The following ADCY5 variants were observed in gnomAD, a reference collection of about 807,000 sequenced individuals.
ADCY5 encodes the protein adenylate cyclase type 5.
Under a neutral mutation model 119.7 loss-of-function variants are expected in ADCY5, and 30 were observed. The observed-to-expected ratio is 0.25, with a 90% CI of 0.19 to 0.34. ADCY5 has a LOEUF of 0.34. Among genes scored for constraint, ADCY5 ranks in the 10% least tolerant of loss-of-function variants. ADCY5 has a pLI of 1.00. For missense variants in ADCY5, 1,324 were observed against 1,775.2 expected (o/e 0.75, Z 4.57); for synonymous variants, 753 against 762.2 (o/e 0.99, Z 0.20).
rs867524656 is a variant in ADCY5 at position 123,448,101 on chromosome 3, T to C, written c.445A>G (p.Thr149Ala). 1 of 1,155,218 alleles carries C rather than the reference T, an allele frequency of 8.7e-7. No individual in the cohort carries two copies. Among genetic ancestry groups the C allele is most frequent in the South Asian group, 3.7e-5 (1 of 27,160 alleles). 71.6% of individuals were successfully genotyped at this position (1,155,218 alleles called of 1,614,324 possible). A position where few individuals can be genotyped will look rare whatever the true frequency, so the allele number is the denominator to read the frequency against. The change falls in exon 1 of 21, where the codon ACG becomes GCG. Residue 149 changes from threonine to alanine, a missense_variant. By Grantham distance (58) the Thr-to-Ala change is moderately conservative. This residue lies in a region of ADCY5 where 585 missense variants were observed against 569.9 expected (regional missense o/e 1.03). Transcript: ENST00000462833. ...TCCACCGAGCGAGGGCGCACCTCCG[T>C]CCCGCCCGCCGAGGCAGCCGCCGCC... The part of the protein sequence containing the change: ...SAAAAASAGG[T>A]EVRPRSVEVG...
chr3:123,400,119 T>C (rs139983387), intron 1 of ADCY5, among the ~76,000 whole-genome samples: 40 of 152,322 alleles, frequency 2.6e-4, no homozygotes, highest in African/African-American at 8.9e-4. Context: ...AAAAGGGAAG[T>C]GTTACTAAGA....
intron 1 of ADCY5, among the ~76,000 whole-genome samples, chr3:123,359,331 AAT>A (rs57105101): frequency 0.043 from 4,728 of 109,616 alleles, 229 homozygotes; most frequent in African/African-American, 0.047. Flanking sequence ...CTTATACTAA[AAT>A]ATATATATAT....
chr3:123,343,774 G>C (rs75195356), intron 3 of ADCY5, among the ~76,000 whole-genome samples: 4,461 of 152,286 alleles, frequency 0.029, 232 homozygotes, highest in African/African-American at 0.1. Flanking sequence ...TATCTGGGGT[G>C]GGGGAGGACA....
chr3:123,325,678 C>T (rs552816928), intron 7 of ADCY5, among the ~76,000 whole-genome samples: 1 of 152,316 alleles, frequency 6.6e-6, no homozygotes, highest in South Asian at 2.1e-4. Context: ...CTGGCTGGCT[C>T]AGGTGGGAGT....
intron 9 of ADCY5, 79 bp downstream of exon 9, chr3:123,320,670 G>A (rs1423877944): frequency 2.6e-5 from 41 of 1,564,204 alleles, no homozygotes; most frequent in Non-Finnish European, 3.4e-5. Flanking sequence ...ATGGAGTGTG[G>A]AGAAACCAAG....
At chr3:123,417,018 C>T (rs1023718215) in intron 1 of ADCY5, among the ~76,000 whole-genome samples, 28 of 152,236 alleles carry the variant, frequency 1.8e-4, no homozygotes, top group African/African-American at 6.8e-4. Flanking sequence ...TTGATCCTGA[C>T]TTCCAGCCTC....
chr3:123,319,801 G>A lies in ADCY5; in HGVS notation c.2129C>T (p.Ala710Val), dbSNP rs140176741. The change falls in exon 10 of 21, where the codon GCG becomes GTG. Residue 710 changes from alanine to valine, a missense_variant. Ala to Val is a moderately conservative substitution (Grantham distance 64). This residue lies in a region of ADCY5 where 424 missense variants were observed against 546.8 expected (regional missense o/e 0.78). Transcript: ENST00000462833. Reference protein sequence around the residue: ...DPKDKNAQESANPEDEVDEFL... With the variant: ...DPKDKNAQESVNPEDEVDEFL... ...CTCATCCACTTCATCCTCAGGGTTC[G>A]CACTCTCCTGGGCGTTCCTGGGGAG... is the stretch of plus-strand genomic sequence containing the variant. The A allele has an allele frequency of 1.8e-5, 29 of 1,613,986 alleles. No homozygotes were observed. The African/African-American group carries it at 2.4e-4, about 13-fold the overall frequency.
intron 1 of ADCY5, chr3:123,418,801 C>G (rs1945238706): frequency 6.6e-6 from 1 of 152,208 alleles, no homozygotes; most frequent in South Asian, 2.1e-4. Context: ...TGGGCGTTAT[C>G]AAATCCACTG....
At chr3:123,353,719 G>A (rs1196502210) in intron 1 of ADCY5, among the ~76,000 whole-genome samples, 1 of 152,146 alleles carries the variant, frequency 6.6e-6, no homozygotes, top group Non-Finnish European at 1.5e-5. Flanking sequence ...GTGGGACGTC[G>A]GCTGCCTGGC....
intron 1 of ADCY5, among the ~76,000 whole-genome samples, chr3:123,361,419 C>T (rs758858238): frequency 3.9e-5 from 6 of 152,156 alleles, no homozygotes; most frequent in Non-Finnish European, 8.8e-5. Context: ...TCTTCACTAC[C>T]AACCCCAGGA....
chr3:123,319,838 G>A lies in ADCY5; in HGVS notation c.2112-20C>T. The A allele has an allele frequency of 6.2e-7, 1 of 1,609,500 alleles. No individual in the cohort carries two copies. The highest frequency in any genetic ancestry group is 8.5e-7 in the Non-Finnish European group (1 of 1,176,282). ...GCGTTCCTGGGGAGCAGAAGGCACG[G>A]GCGTGAGACAGGCTGACCACAGGGG... is the stretch of plus-strand genomic sequence containing the variant. On this transcript the variant is annotated intron_variant, in intron 9 of 20. Transcript: ENST00000462833.
rs1941730328 is a variant in ADCY5, at chr3:123,330,881, A to G, written c.1646+8T>C. 3 of 1,606,448 alleles carry G rather than the reference A, an allele frequency of 1.9e-6. No individual in the cohort carries two copies. The highest frequency in any genetic ancestry group is 8.5e-7 in the Non-Finnish European group (1 of 1,176,384). ...GAGGGAGACGGTACCCGGGGGGTGG[A>G]CACTTACGAGATGGCCTCGATCATG... On this transcript the variant is annotated splice_region_variant and intron_variant, in intron 5 of 20. Coordinates refer to ENST00000462833, the MANE Select transcript of ADCY5 (RefSeq NM_183357.3).
intron 14 of ADCY5, 86 bp from the exon 15 acceptor site, chr3:123,300,381 C>T (rs1022470041): frequency 2.1e-6 from 3 of 1,451,390 alleles, no homozygotes; most frequent in Non-Finnish European, 2.8e-6. Flanking sequence ...TCTGAGCTGG[C>T]TCAAGTGAGG....
At chr3:123,342,800 C>G (rs928696657) in intron 3 of ADCY5, among the ~76,000 whole-genome samples, 7 of 152,228 alleles carry the variant, frequency 4.6e-5, no homozygotes, top group Non-Finnish European at 1.0e-4. Context: ...AGCAGAGAAT[C>G]CTTCAGAGCC....
At chr3:123,296,818 T>C (rs977879877) in intron 16 of ADCY5, among the ~76,000 whole-genome samples, 5 of 152,234 alleles carry the variant, frequency 3.3e-5, no homozygotes, top group African/African-American at 9.6e-5. Context: ...TTGTTACTAA[T>C]AGATACTCTT....
At chr3:123,440,121 T>C (rs1945698643) in intron 1 of ADCY5, among the ~76,000 whole-genome samples, 1 of 152,172 alleles carries the variant, frequency 6.6e-6, no homozygotes, top group Admixed American at 6.5e-5. Context: ...CCACCACCCA[T>C]TCATTCATTT....
At chr3:123,316,029 G>A (rs1381809281) in intron 11 of ADCY5, among the ~76,000 whole-genome samples, 1 of 152,150 alleles carries the variant, frequency 6.6e-6, no homozygotes, top group Non-Finnish European at 1.5e-5. Flanking sequence ...TTCACCTGTG[G>A]CATCCAACAG....
At chr3:123,285,126 C>T (rs190905576) in intron 20 of ADCY5, among the ~76,000 whole-genome samples, 14 of 152,272 alleles carry the variant, frequency 9.2e-5, no homozygotes, top group Non-Finnish European at 2.1e-4. Flanking sequence ...AGTGTGTCCC[C>T]GGTGCATTGT....
At chr3:123,340,954 G>A (rs1025128357) in intron 3 of ADCY5, among the ~76,000 whole-genome samples, 2 of 151,656 alleles carry the variant, frequency 1.3e-5, no homozygotes, top group Admixed American at 6.6e-5. Flanking sequence ...GTGAAACCCC[G>A]TCTCTACTAA....
Sources: allele counts gnomAD v4.1 joint callset (sites outside exome capture counted in the v4.1 genomes callset), GRCh38; gene constraint gnomAD v4.1.1; regional missense constraint gnomAD v4.1.1; transcripts MANE v1.5; gene names NCBI Gene and HGNC (gene_info 2026-07-23, HGNC 2026-07-21).